The following FRMD4A variants were observed in gnomAD, a reference collection of about 807,000 sequenced individuals.
The protein encoded by FRMD4A is FERM domain containing 4A.
Under a neutral mutation model 129.1 loss-of-function variants are expected in FRMD4A, and 29 were observed. That is an observed-to-expected ratio of 0.22 (90% confidence interval 0.17 to 0.31). The LOEUF (loss-of-function observed/expected upper bound fraction) is 0.31. FRMD4A is among the 10% of genes least tolerant of loss of function. The probability of loss-of-function intolerance (pLI) is 1.00; values close to 1 mark genes in which losing one functional copy is unlikely to be tolerated. For missense variants in FRMD4A, 1,272 were observed against 1,375.8 expected (o/e 0.92, Z 1.19); for synonymous variants, 634 against 571.6 (o/e 1.11, Z -1.56).
intron 2 of FRMD4A, among the ~76,000 whole-genome samples, chr10:14,158,964 T>C (rs1169675890): frequency 6.6e-6 from 1 of 151,806 alleles, no homozygotes; most frequent in Non-Finnish European, 1.5e-5. Flanking sequence ...TAACAGGATA[T>C]AGAAACTGAC....
At chr10:14,223,801 A>T (rs2131976289) in intron 2 of FRMD4A, among the ~76,000 whole-genome samples, 1 of 151,414 alleles carries the variant, frequency 6.6e-6, no homozygotes, top group Non-Finnish European at 1.5e-5. Context: ...ATAAAGCCAA[A>T]TGCAACATAT....
intron 2 of FRMD4A, among the ~76,000 whole-genome samples, chr10:14,110,685 A>G (rs995107541): frequency 9.9e-5 from 15 of 152,194 alleles, no homozygotes; most frequent in Admixed American, 7.9e-4. Context: ...ATTCCTTGTT[A>G]TCTGAAAACC....
intron 3 of FRMD4A, among the ~76,000 whole-genome samples, chr10:13,837,760 C>G (rs1379521515): frequency 6.6e-6 from 1 of 152,138 alleles, no homozygotes; most frequent in Non-Finnish European, 1.5e-5. Context: ...CCATCCAATC[C>G]CAATCCCACT....
intron 3 of FRMD4A, among the ~76,000 whole-genome samples, chr10:13,834,971 C>T (rs906794251): frequency 2.6e-5 from 4 of 152,166 alleles, no homozygotes; most frequent in Non-Finnish European, 5.9e-5. Context: ...GTGATAGCAG[C>T]GTGCACGGAA....
intron 2 of FRMD4A, among the ~76,000 whole-genome samples, chr10:13,911,250 C>A (rs987821885): frequency 5.9e-5 from 9 of 152,156 alleles, no homozygotes; most frequent in Admixed American, 6.5e-5. Context: ...TTTTTTCCTG[C>A]ACATGATAAG....
At chr10:14,131,408 C>T (rs943473862) in intron 2 of FRMD4A, among the ~76,000 whole-genome samples, 2 of 143,888 alleles carry the variant, frequency 1.4e-5, no homozygotes, top group Admixed American at 6.8e-5. Context: ...CCCCCCCGGC[C>T]GCCCTGTTGT....
At chr10:14,011,775 G>T (rs2095683343) in intron 2 of FRMD4A, among the ~76,000 whole-genome samples, 1 of 152,150 alleles carries the variant, frequency 6.6e-6, no homozygotes, top group South Asian at 2.1e-4. Context: ...TTGGGACTCA[G>T]AGGTAGGTGG....
intron 20 of FRMD4A, 41 bp from the exon 21 acceptor site, chr10:13,659,531 C>T (rs770802929): frequency 1.9e-6 from 3 of 1,587,430 alleles, no homozygotes; most frequent in Non-Finnish European, 2.6e-6. Flanking sequence ...GCCAGACAGA[C>T]AGCACCTTTC....
intron 4 of FRMD4A, among the ~76,000 whole-genome samples, chr10:13,803,859 G>A (rs1345701905): frequency 1.3e-5 from 2 of 152,200 alleles, no homozygotes; most frequent in African/African-American, 4.8e-5. Flanking sequence ...TGTAGACACA[G>A]CTCCCATCCT....
chr10:14,132,766 A>C (rs1488875793), intron 2 of FRMD4A, among the ~76,000 whole-genome samples: 1 of 152,224 alleles, frequency 6.6e-6, no homozygotes, highest in African/African-American at 2.4e-5. Flanking sequence ...ACGCAGGCCC[A>C]GCTGCCAGAG....
chr10:13,902,102 G>T (rs1158073548), intron 2 of FRMD4A, among the ~76,000 whole-genome samples: 3 of 151,998 alleles, frequency 2.0e-5, no homozygotes, highest in Non-Finnish European at 4.4e-5. Flanking sequence ...CTGTAACCTT[G>T]AACCCCTGAG....
intron 2 of FRMD4A, among the ~76,000 whole-genome samples, chr10:14,012,349 TG>T (rs1295950318): frequency 1.3e-5 from 2 of 152,178 alleles, no homozygotes; most frequent in Non-Finnish European, 2.9e-5. Flanking sequence ...CCAGTCTCAA[TG>T]AAAATGTTTG....
At chr10:14,038,047 T>G (rs1220646699) in intron 2 of FRMD4A, among the ~76,000 whole-genome samples, 1 of 152,160 alleles carries the variant, frequency 6.6e-6, no homozygotes, top group African/African-American at 2.4e-5. Context: ...TTAAGGCCGG[T>G]CGCGGTGGCT....
intron 3 of FRMD4A, among the ~76,000 whole-genome samples, chr10:13,856,000 A>G (rs1041257751): frequency 6.8e-6 from 1 of 147,046 alleles, no homozygotes; most frequent in Non-Finnish European, 1.5e-5. Flanking sequence ...TATTTAGCTT[A>G]CCACACACAA....
intron 12 of FRMD4A, chr10:13,728,035 G>A (rs965892041): frequency 6.6e-6 from 1 of 152,174 alleles, no homozygotes; most frequent in Admixed American, 6.6e-5. Flanking sequence ...ACAGGCACTC[G>A]GACAACACGT....
At chr10:13,675,296 T>G (rs1413426849) in intron 15 of FRMD4A, among the ~76,000 whole-genome samples, 1 of 152,232 alleles carries the variant, frequency 6.6e-6, no homozygotes, top group Non-Finnish European at 1.5e-5. Flanking sequence ...TTCTCAATTA[T>G]CTTAAGAAAT....
intron 2 of FRMD4A, among the ~76,000 whole-genome samples, chr10:14,154,250 C>T (rs1046821231): frequency 1.3e-5 from 2 of 152,062 alleles, no homozygotes. Flanking sequence ...AAATGGTAGA[C>T]CAGATGAGGA....
Position 13,814,603 on chromosome 10 carries a change from AAAAAG to A in FRMD4A, c.112-3700_112-3696del, listed in dbSNP as rs1423496292. On this transcript the variant is annotated intron_variant, in intron 3 of 24. Coordinates refer to ENST00000357447, the MANE Select transcript of FRMD4A (RefSeq NM_018027.5). The stretch of plus-strand genomic sequence containing the variant: ...TTCAAAAAAAAAAAAAAAAAAAAAA[AAAAAG>A]AAAGAAAGGGAAAGAGAGAGAGAAA... 1.5e-3 allele frequency among the ~76,000 whole-genome samples: 215 copies of A among 138,782 alleles called. 9 individuals carry two copies. The highest frequency in any genetic ancestry group is 4.6e-3 in the African/African-American group (171 of 36,824). The allele number at this position is 138,782 out of a possible 152,430, so 91.0% of individuals were successfully genotyped here.
intron 2 of FRMD4A, among the ~76,000 whole-genome samples, chr10:14,198,281 G>A (rs1302217401): frequency 6.6e-6 from 1 of 152,192 alleles, no homozygotes; most frequent in African/African-American, 2.4e-5. Flanking sequence ...GAGAGTGATG[G>A]GGATGTTCCC....
Sources: gnomAD v4.1 joint callset for allele counts (sites outside exome capture counted in the v4.1 genomes callset) on GRCh38, gnomAD v4.1.1 for gene constraint, MANE v1.5 for transcripts, NCBI Gene and HGNC (gene_info 2026-07-23, HGNC 2026-07-21) for gene names.